ZW10: variants seen among roughly 807,000 people sequenced by gnomAD.
ZW10 encodes the protein zw10 kinetochore protein, also known as centromere/kinetochore protein zw10 homolog.
ZW10 carries 53 observed loss-of-function variants against 87.8 expected under a neutral mutation model. That is an observed-to-expected ratio of 0.60 (90% CI 0.48 to 0.76). The LOEUF is 0.76. Among genes scored for constraint, ZW10 ranks in the 30% least tolerant of loss-of-function variants. The probability of loss-of-function intolerance (pLI) is 0.00; values close to 1 mark genes in which losing one functional copy is unlikely to be tolerated. For missense variants in ZW10, 837 were observed against 923.0 expected (o/e 0.91, Z 1.21); for synonymous variants, 312 against 329.2 (o/e 0.95, Z 0.57).
chr11:113,738,205 CAA>C, intron 13 of ZW10, 57 bp downstream of exon 13: 1 of 1,465,728 alleles, frequency 6.8e-7, no homozygotes. Flanking sequence ...AAAAAGCAAA[CAA>C]AAAAAAAGGC....
intron 7 of ZW10, among the ~76,000 whole-genome samples, chr11:113,748,689 C>T (rs1953706232): frequency 6.6e-6 from 1 of 152,154 alleles, no homozygotes; most frequent in Admixed American, 6.5e-5. Context: ...TCATCTAGTG[C>T]TAGCTGCTGA....
intron 1 of ZW10, among the ~76,000 whole-genome samples, chr11:113,772,798 C>T (rs1216392626): frequency 6.8e-6 from 1 of 146,840 alleles, no homozygotes; most frequent in East Asian, 2.0e-4. Flanking sequence ...CATGGTGAAA[C>T]TCCGTCTGTA....
Position 113,762,155 on chromosome 11 carries a change from T to C in ZW10, c.241-1237A>G, listed in dbSNP as rs1953866901. ...GGAACCCAAATGGTATGTCCTACTA[T>C]GTACCTAGGCTATATAAAACTATTG... On this transcript the variant is annotated intron_variant, in intron 2 of 15. Transcript: ENST00000200135. 2.0e-5 allele frequency among the ~76,000 whole-genome samples: 3 copies of C among 152,224 alleles called. No homozygotes were observed. The South Asian group carries it at 6.2e-4, about 31-fold the overall frequency.
At chr11:113,741,347 T>C (rs1267520667) in intron 11 of ZW10, among the ~76,000 whole-genome samples, 1 of 152,156 alleles carries the variant, frequency 6.6e-6, no homozygotes, top group African/African-American at 2.4e-5. Context: ...ATCAAAGATA[T>C]TTATGAAAAA....
chr11:113,745,756 A>G (rs1953670979), intron 9 of ZW10, among the ~76,000 whole-genome samples: 1 of 152,234 alleles, frequency 6.6e-6, no homozygotes. Context: ...ACAACAACAA[A>G]AAACACAACT....
chr11:113,753,053 G>A (rs148192949), intron 7 of ZW10, among the ~76,000 whole-genome samples: 125 of 151,586 alleles, frequency 8.2e-4, no homozygotes, highest in East Asian at 5.0e-3. Flanking sequence ...AAGTTCAGGC[G>A]TACATGTGCA....
chr11:113,742,847 CT>C (rs766589066), intron 10 of ZW10, among the ~76,000 whole-genome samples: 35 of 152,292 alleles, frequency 2.3e-4, no homozygotes, highest in South Asian at 6.2e-4. Context: ...GAGACATGTT[CT>C]TCCTAGAGCA....
chr11:113,769,474 C>T (rs1354149218), intron 1 of ZW10, among the ~76,000 whole-genome samples: 1 of 152,134 alleles, frequency 6.6e-6, no homozygotes, highest in Non-Finnish European at 1.5e-5. Flanking sequence ...TATTTTATGG[C>T]CTGATCTTAA....
rs202234284 is a variant in ZW10, at chr11:113,741,676, A to G, written c.1583+18T>C. On this transcript the variant is annotated intron_variant, in intron 11 of 15. Transcript: ENST00000200135. The stretch of plus-strand genomic sequence containing the variant: ...GACATACAATTATTATATAGAAATG[A>G]GATACAGTGGTACTTACTTGTGATA... 2.0e-6 allele frequency: 3 copies of G among 1,514,778 alleles called. No individual in the cohort carries two copies. The East Asian group carries it at 7.0e-5, about 35-fold the overall frequency. 93.8% of individuals were successfully genotyped at this position (1,514,778 alleles called of 1,614,324 possible).
chr11:113,757,791 TC>T lies in ZW10; in HGVS notation c.795del (p.Ile266Ter). The part of the protein sequence containing the change: ...PLASCPSLHA[V>X]IESQPNIVII... Reference sequence around the variant, plus strand: ...ATAACTATGTTAGGCTGGCTTTCTATCACAGCATGAAGGGATGGGCAAGATG... The same window carrying T: ...ATAACTATGTTAGGCTGGCTTTCTATACAGCATGAAGGGATGGGCAAGATG... On this transcript the variant is annotated frameshift_variant, in exon 7 of 16. Coordinates refer to ENST00000200135, the MANE Select transcript of ZW10 (RefSeq NM_004724.4). LOFTEE classifies it high-confidence loss of function. 6.2e-7 allele frequency: 1 copy of T among 1,613,848 alleles called. No individual in the cohort carries two copies. Among genetic ancestry groups the T allele is most frequent in the African/African-American group, 1.3e-5 (1 of 75,038 alleles).
chr11:113,751,167 G>T, intron 7 of ZW10: 1 of 235,346 alleles, frequency 4.2e-6, no homozygotes, highest in South Asian at 6.2e-5. Context: ...GGAGACACTG[G>T]AGGCACACAT....
At chr11:113,736,922 G>T in intron 14 of ZW10, 100 bp from the exon 15 acceptor site, 1 of 1,084,574 alleles carries the variant, frequency 9.2e-7, no homozygotes, top group Non-Finnish European at 1.4e-6. Flanking sequence ...AGGTGGGTCA[G>T]CTACAACATG....
chr11:113,740,425 C>CA (rs1469711945), intron 11 of ZW10, among the ~76,000 whole-genome samples: 3 of 151,984 alleles, frequency 2.0e-5, no homozygotes, highest in Admixed American at 6.6e-5. Flanking sequence ...CCTATCATTA[C>CA]AAAAATATGT....
chr11:113,765,562 A>C (rs189928932), intron 2 of ZW10, among the ~76,000 whole-genome samples: 31 of 152,236 alleles, frequency 2.0e-4, no homozygotes, highest in African/African-American at 7.5e-4. Flanking sequence ...TAATGACAAA[A>C]CCCTAAGAGC....
chr11:113,764,419 A>G (rs1953892045), intron 2 of ZW10, among the ~76,000 whole-genome samples: 1 of 152,180 alleles, frequency 6.6e-6, no homozygotes, highest in Admixed American at 6.5e-5. Flanking sequence ...GTTTGATGTG[A>G]CAGCATTGAA....
In ZW10 at chr11:113,739,272, G is replaced by A; in HGVS notation, c.1694C>T (p.Pro565Leu). The A allele has an allele frequency of 6.2e-7, 1 of 1,613,936 alleles. No homozygotes were observed. The highest frequency in any genetic ancestry group is 8.5e-7 in the Non-Finnish European group (1 of 1,179,910). ...LGHQFRLRLA[P>L]ILCDGTATFV... ...AGTAGCAGTGCCATCACAAAGAATG[G>A]GGGCAAGACGCAATCTGAACTGATG... The change falls in exon 12 of 16, where the codon CCC (proline) becomes CTC (leucine). Residue 565 changes from proline (P) to leucine (L), a missense_variant. Pro to Leu is a moderately conservative substitution (Grantham distance 98, BLOSUM62 -3). Transcript: ENST00000200135.
chr11:113,771,083 C>A (rs1242300356), intron 1 of ZW10, among the ~76,000 whole-genome samples: 2 of 149,658 alleles, frequency 1.3e-5, no homozygotes, highest in East Asian at 4.1e-4. Context: ...TCAAGCGATT[C>A]TTCTGCCTCA....
intron 7 of ZW10, among the ~76,000 whole-genome samples, chr11:113,754,009 A>C (rs1052274175): frequency 1.3e-5 from 2 of 152,244 alleles, no homozygotes; most frequent in African/African-American, 4.8e-5. Context: ...TATACTAAAC[A>C]ATAGATTTTT....
chr11:113,768,956 G>A lies in ZW10; in HGVS notation c.117C>T (p.Cys39=), dbSNP rs1227274370. 2 of 1,613,788 alleles carry A rather than the reference G, an allele frequency of 1.2e-6. No homozygotes were observed. Among genetic ancestry groups the A allele is most frequent in the Non-Finnish European group, 1.7e-6 (2 of 1,179,908 alleles). Residue 39 remains cysteine, a synonymous_variant, in exon 2 of 16, where the codon TGC becomes TGT. Transcript: ENST00000200135. ...RRVEEIKGEV[C]NMISKKYSEF... ...CACTGTACTTCTTGCTAATCATATT[G>A]CACACCTCACCCTAAAATATAAAAC...
Sources: gnomAD v4.1 joint callset for allele counts (sites outside exome capture counted in the v4.1 genomes callset) on GRCh38, gnomAD v4.1.1 for gene constraint, MANE v1.5 for transcripts, NCBI Gene and HGNC (gene_info 2026-07-23, HGNC 2026-07-21) for gene names.